The following LRCH3 variants were observed in gnomAD, a reference collection of about 807,000 sequenced individuals.
LRCH3 encodes the protein leucine rich repeats and calponin homology domain containing 3.
LRCH3 carries 68 observed loss-of-function variants against 104.5 expected under a neutral mutation model. That is an observed-to-expected ratio of 0.65 (90% CI 0.54 to 0.80). LRCH3 has a LOEUF of 0.80. Among genes scored for constraint, LRCH3 ranks in the 30% least tolerant of loss-of-function variants. The pLI is 0.00. For missense variants in LRCH3, 951 were observed against 953.9 expected, an observed-to-expected ratio of 1.00 and a Z score of 0.04; for synonymous variants, 344 against 361.3, an observed-to-expected ratio of 0.95 and a Z score of 0.54.
chr3:197,876,085 T>C, intron 20 of LRCH3: 1 of 183,028 alleles, frequency 5.5e-6, no homozygotes, highest in Non-Finnish European at 1.1e-5. Context: ...TAAGTATATC[T>C]CAGATTGAGA....
chr3:197,842,688 C>T (rs11717776), intron 10 of LRCH3, among the ~76,000 whole-genome samples: 77,440 of 151,936 alleles, frequency 0.51, 20,066 homozygotes, highest in African/African-American at 0.62. Flanking sequence ...TAGGGAGATA[C>T]AATAAATAAA....
chr3:197,802,319 C>T (rs977360223), intron 1 of LRCH3, among the ~76,000 whole-genome samples: 1 of 152,134 alleles, frequency 6.6e-6, no homozygotes, highest in Non-Finnish European at 1.5e-5. Context: ...ATACCACACA[C>T]AGACTGATTA....
chr3:197,870,405 AC>A, intron 18 of LRCH3, 127 bp downstream of exon 18: 1 of 909,728 alleles, frequency 1.1e-6, no homozygotes, highest in Non-Finnish European at 1.6e-6. Context: ...TCACTCTGTC[AC>A]CCAGGCTGGA....
chr3:197,813,358 G>A (rs1363738965), intron 1 of LRCH3, among the ~76,000 whole-genome samples: 1 of 151,938 alleles, frequency 6.6e-6, no homozygotes, highest in Non-Finnish European at 1.5e-5. Flanking sequence ...AATCAAAATG[G>A]GTAATGATAG....
chr3:197,860,067 A>G (rs1279371568), intron 15 of LRCH3, among the ~76,000 whole-genome samples: 4 of 152,066 alleles, frequency 2.6e-5, no homozygotes, highest in Non-Finnish European at 4.4e-5. Flanking sequence ...TACCTCTTCT[A>G]TGTGTTGAGA....
At chr3:197,849,218 C>A (rs1259994520) in intron 12 of LRCH3, among the ~76,000 whole-genome samples, 1 of 141,210 alleles carries the variant, frequency 7.1e-6, no homozygotes, top group Admixed American at 7.6e-5. Context: ...GAGCTGAGAT[C>A]GTACCACTGC....
At chr3:197,837,074 T>C (rs1736919913) in intron 9 of LRCH3, among the ~76,000 whole-genome samples, 1 of 152,190 alleles carries the variant, frequency 6.6e-6, no homozygotes, top group Non-Finnish European at 1.5e-5. Flanking sequence ...GACATACTTG[T>C]ATTTAAAGTT....
intron 11 of LRCH3, 131 bp from the exon 12 acceptor site, chr3:197,847,741 T>A: frequency 6.3e-6 from 2 of 318,664 alleles, no homozygotes; most frequent in Non-Finnish European, 8.0e-6. Flanking sequence ...AATAAACACA[T>A]TTCAAGCAAT....
intron 9 of LRCH3, among the ~76,000 whole-genome samples, chr3:197,838,452 TTCTTGGAAGTAGATGG>T (rs1007486203): frequency 8.9e-5 from 13 of 145,988 alleles, no homozygotes; most frequent in African/African-American, 3.0e-4. Flanking sequence ...TAGATGCTAT[TTCTTGGAAGTAGATGG>T]TAAGTAGTTT....
intron 8 of LRCH3, among the ~76,000 whole-genome samples, chr3:197,832,969 C>A (rs1580706532): frequency 6.6e-6 from 1 of 152,002 alleles, no homozygotes; most frequent in East Asian, 1.9e-4. Flanking sequence ...TTTCCAGAAA[C>A]CTATTGCTTA....
intron 8 of LRCH3, among the ~76,000 whole-genome samples, chr3:197,835,063 G>C (rs1560558992): frequency 6.6e-6 from 1 of 152,154 alleles, no homozygotes; most frequent in Non-Finnish European, 1.5e-5. Context: ...AGAATCGCTT[G>C]AACGTGAGAA....
chr3:197,834,907 G>A (rs1362453927), intron 8 of LRCH3, among the ~76,000 whole-genome samples: 1 of 152,158 alleles, frequency 6.6e-6, no homozygotes, highest in Admixed American at 6.5e-5. Context: ...ACTTTGGGTG[G>A]CCACAGTGGG....
chr3:197,797,874 CAAAAAAA>C (rs1001772234), intron 1 of LRCH3, among the ~76,000 whole-genome samples: 1 of 15,778 alleles, frequency 6.3e-5, no homozygotes, highest in Non-Finnish European at 2.1e-4. Context: ...AAAAAAAAAA[CAAAAAAA>C]ACAAAAAAAA....
At chr3:197,870,585 C>T (rs528214581) in intron 18 of LRCH3, among the ~76,000 whole-genome samples, 16 of 152,258 alleles carry the variant, frequency 1.1e-4, no homozygotes, top group African/African-American at 3.1e-4. Context: ...GGGCTGGTCT[C>T]GAACTCCTGA....
rs1458342943 is a variant in LRCH3, at chr3:197,856,975, T to G, written c.1645-1859T>G. Reference sequence around the variant, plus strand: ...ACTTACGATTTGAAATGAAGATTTATAACAGCTAATATCAGTTTACACTGA... The same window carrying G: ...ACTTACGATTTGAAATGAAGATTTAGAACAGCTAATATCAGTTTACACTGA... On this transcript the variant is annotated intron_variant, in intron 14 of 20. Coordinates refer to ENST00000425562, the MANE Select transcript of LRCH3 (RefSeq NM_001365715.1). The surrounding 1 kb of genome is among the most constrained non-coding windows in gnomAD (Gnocchi z 4.2). 1.3e-5 allele frequency among the ~76,000 whole-genome samples: 2 copies of G among 152,252 alleles called. No homozygotes were observed. The highest frequency in any genetic ancestry group is 2.9e-5 in the Non-Finnish European group (2 of 68,046).
intron 8 of LRCH3, among the ~76,000 whole-genome samples, chr3:197,833,283 G>A (rs1409879778): frequency 6.7e-6 from 1 of 149,468 alleles, no homozygotes; most frequent in African/African-American, 2.5e-5. Flanking sequence ...ACTTTGGGAG[G>A]TTGAGGCGGG....
chr3:197,802,318 A>T (rs1731988994), intron 1 of LRCH3, among the ~76,000 whole-genome samples: 1 of 152,150 alleles, frequency 6.6e-6, no homozygotes, highest in Non-Finnish European at 1.5e-5. Context: ...CATACCACAC[A>T]CAGACTGATT....
chr3:197,879,989 A>C (rs1180535304), intron 20 of LRCH3, among the ~76,000 whole-genome samples: 26 of 147,144 alleles, frequency 1.8e-4, no homozygotes, highest in African/African-American at 5.9e-4. Context: ...TCTGTCACCC[A>C]GGCTGGAGTG....
intron 8 of LRCH3, among the ~76,000 whole-genome samples, chr3:197,835,010 GGT>G (rs1736534780): frequency 6.6e-6 from 1 of 151,984 alleles, no homozygotes; most frequent in Non-Finnish European, 1.5e-5. Flanking sequence ...CGGGCGTGGT[GGT>G]GCACACCTGT....
Sources: gnomAD v4.1 joint callset for allele counts (sites outside exome capture counted in the v4.1 genomes callset) on GRCh38, gnomAD v4.1.1 for gene constraint, Gnocchi (gnomAD v3.1) non-coding constraint, MANE v1.5 for transcripts, NCBI Gene and HGNC (gene_info 2026-07-23, HGNC 2026-07-21) for gene names.